The following BIRC2 variants were observed in gnomAD, a reference collection of about 807,000 sequenced individuals.
The protein encoded by BIRC2 is baculoviral IAP repeat-containing protein 2.
A neutral mutation model predicts 60.9 loss-of-function variants in BIRC2; 18 were observed. That is an observed-to-expected ratio of 0.30 (90% CI 0.20 to 0.44). The LOEUF (loss-of-function observed/expected upper bound fraction) is 0.44, where lower values mean the gene tolerates loss of function less well. BIRC2 is among the 20% of genes least tolerant of loss of function. The pLI, the probability that BIRC2 is intolerant of heterozygous loss-of-function variation, is 1.00. For missense variants in BIRC2, 701 were observed against 728.5 expected, an observed-to-expected ratio of 0.96 and a Z score of 0.43; for synonymous variants, 282 against 247.7, an observed-to-expected ratio of 1.14 and a Z score of -1.30.
intron 6 of BIRC2, among the ~76,000 whole-genome samples, chr11:102,371,966 T>C (rs1204846479): frequency 1.3e-5 from 2 of 152,200 alleles, no homozygotes; most frequent in Non-Finnish European, 1.5e-5. Flanking sequence ...GAGGTGTTTG[T>C]AGTATTCTCT....
intron 6 of BIRC2, among the ~76,000 whole-genome samples, chr11:102,372,427 C>G (rs1353460161): frequency 2.0e-5 from 3 of 152,056 alleles, no homozygotes; most frequent in African/African-American, 7.3e-5. Context: ...TCGTTATGTA[C>G]CCAGTAGTCA....
At chr11:102,363,632 C>G (rs771727354) in intron 4 of BIRC2, 36 bp from the exon 5 acceptor site, 2 of 1,548,168 alleles carry the variant, frequency 1.3e-6, no homozygotes, top group African/African-American at 1.4e-5. Flanking sequence ...TTGGGGATAT[C>G]TGCTTTTACC....
chr11:102,358,216 G>A (rs1340768329), intron 3 of BIRC2, among the ~76,000 whole-genome samples: 1 of 152,160 alleles, frequency 6.6e-6, no homozygotes, highest in Non-Finnish European at 1.5e-5. Context: ...TCTGCTGTTT[G>A]ATGGAATGTT....
intron 5 of BIRC2, among the ~76,000 whole-genome samples, chr11:102,363,996 AC>A (rs1229115491): frequency 2.2e-4 from 34 of 151,280 alleles, no homozygotes; most frequent in Non-Finnish European, 3.1e-4. Context: ...GTTGCAGTGA[AC>A]TGAGATTATG....
At position 102,354,388 on chromosome 11, in the gene BIRC2, T is replaced by C. The variant is rs1283525833; in HGVS notation, c.995+3445T>C. Among the ~76,000 whole-genome samples the C allele has an allele frequency of 2.0e-5, 3 of 152,276 alleles. No homozygotes were observed. In the East Asian group the frequency reaches 5.8e-4, roughly 29 times the overall value. On this transcript the variant is annotated intron_variant, in intron 3 of 8. Coordinates refer to ENST00000227758, the MANE Select transcript of BIRC2 (RefSeq NM_001166.5). ...TCATGTCCGGCTAATTACTCTGTTT[T>C]TGTAGAGACGGGGTTTCACCATGTT...
At chr11:102,377,775 T>C (rs767618934) in intron 7 of BIRC2, 25 bp downstream of exon 7, 1 of 1,592,710 alleles carries the variant, frequency 6.3e-7, no homozygotes, top group Non-Finnish European at 8.5e-7. Context: ...AAAATTATTT[T>C]AGAAATTCTT....
chr11:102,377,920 A>T lies in BIRC2; in HGVS notation c.1663+22A>T, dbSNP rs765664372. On this transcript the variant is annotated intron_variant, in intron 8 of 8. Transcript: ENST00000227758. Reference sequence around the variant, plus strand: ...TCAGGTAAAACAAAGATTTAAAACCAACATGAACTATTACCCTTTTTTTTT... The same window carrying T: ...TCAGGTAAAACAAAGATTTAAAACCTACATGAACTATTACCCTTTTTTTTT... 20 of 1,609,764 alleles carry T rather than the reference A, an allele frequency of 1.2e-5. No homozygotes were observed. In the South Asian group the frequency reaches 2.2e-4, roughly 18 times the overall value.
chr11:102,374,411 G>A (rs1268003722), intron 6 of BIRC2, among the ~76,000 whole-genome samples: 1 of 148,374 alleles, frequency 6.7e-6, no homozygotes, highest in East Asian at 2.0e-4. Flanking sequence ...CTGCAGGTCT[G>A]TTGGAATACC....
intron 6 of BIRC2, among the ~76,000 whole-genome samples, chr11:102,373,456 G>A (rs1223314138): frequency 6.6e-6 from 1 of 151,332 alleles, no homozygotes; most frequent in Non-Finnish European, 1.5e-5. Flanking sequence ...TGAAATTCTG[G>A]GTTGAAAATT....
Position 102,377,716 on chromosome 11 carries a change from A to G in BIRC2, c.1587A>G (p.Lys529=). ...AAANIFKNCL[K]EIDSTLYKNL... ...CCAACATCTTCAAAAACTGTCTAAAAGAAATTGACTCTACATTGTATAAGA... is the reference window on the plus strand; with the variant it reads ...CCAACATCTTCAAAAACTGTCTAAAGGAAATTGACTCTACATTGTATAAGA... The change falls in exon 7 of 9, where the codon AAA becomes AAG. Residue 529 remains lysine, a synonymous_variant. Transcript: ENST00000227758. The G allele has an allele frequency of 1.2e-6, 2 of 1,607,330 alleles. No individual in the cohort carries two copies. The highest frequency in any genetic ancestry group is 8.5e-7 in the Non-Finnish European group (1 of 1,178,572).
intron 3 of BIRC2, among the ~76,000 whole-genome samples, chr11:102,357,280 C>T (rs1053514313): frequency 1.3e-5 from 2 of 151,764 alleles, no homozygotes; most frequent in Non-Finnish European, 2.9e-5. Flanking sequence ...TTCCCTCCCT[C>T]TTCTTCCTTC....
chr11:102,376,186 G>C (rs651602), intron 6 of BIRC2, among the ~76,000 whole-genome samples: 152,251 of 152,302 alleles, frequency 1, 76,100 homozygotes, highest in Middle Eastern at 1. Context: ...AGGGGAAAGG[G>C]CAAGTAAGGA....
In BIRC2 at chr11:102,375,158, G is replaced by A. The variant is rs571395036; in HGVS notation, c.1367-2338G>A. On this transcript the variant is annotated intron_variant, in intron 6 of 8. Transcript: ENST00000227758. ...CGCTCACGCTGGGAGCTGTACACCG[G>A]AGCTGTTCCTATTCGGCCATCTTGG... Among the ~76,000 whole-genome samples the A allele has an allele frequency of 7.9e-5, 12 of 152,324 alleles. No individual in the cohort carries two copies. The South Asian group carries it at 8.3e-4, about 11-fold the overall frequency.
At chr11:102,357,977 TTTC>T (rs1384323960) in intron 3 of BIRC2, among the ~76,000 whole-genome samples, 5 of 152,352 alleles carry the variant, frequency 3.3e-5, no homozygotes, top group Admixed American at 1.3e-4. Flanking sequence ...TTCTTTTTGA[TTTC>T]TTCTTTGACC....
Position 102,377,651 on chromosome 11 carries a change from G to T in BIRC2, c.1522G>T (p.Glu508Ter), listed in dbSNP as rs770159483. The T allele has an allele frequency of 6.2e-7, 1 of 1,610,622 alleles. No homozygotes were observed. Among genetic ancestry groups the T allele is most frequent in the Non-Finnish European group, 8.5e-7 (1 of 1,179,186 alleles). Residue 508 changes from glutamate (E) to a stop codon, truncating the protein, a stop_gained, in exon 7 of 9, where the codon GAA becomes TAA. Coordinates refer to ENST00000227758, the MANE Select transcript of BIRC2 (RefSeq NM_001166.5). LOFTEE classifies it high-confidence loss of function. ...AACACAGATACCTTTACAAGCGAGA[G>T]AACTGATTGATACCATTTTGGTTAA... is the stretch of plus-strand genomic sequence containing the variant. ...QKTQIPLQARELIDTILVKGN... is the reference protein window; with the variant it reads ...QKTQIPLQAR
At chr11:102,375,323 C>T (rs541486751) in intron 6 of BIRC2, among the ~76,000 whole-genome samples, 2 of 152,280 alleles carry the variant, frequency 1.3e-5, no homozygotes, top group South Asian at 4.1e-4. Context: ...AAAGGGCCAG[C>T]AGAGAGGCGA....
intron 6 of BIRC2, among the ~76,000 whole-genome samples, chr11:102,369,034 C>T (rs1388834427): frequency 6.6e-6 from 1 of 151,960 alleles, no homozygotes; most frequent in African/African-American, 2.4e-5. Flanking sequence ...ATGAGAACCA[C>T]CTGCCCAATC....
At position 102,360,081 on chromosome 11, in the gene BIRC2, C is replaced by T. The variant is rs556753259; in HGVS notation, c.996-2815C>T. On this transcript the variant is annotated intron_variant, in intron 3 of 8. Transcript: ENST00000227758. ...TCCCAGGTTCAAGTGATTCTCCTGCCTCAGCCTCCCACGTAGCTGGGACTA... is the reference window on the plus strand; with the variant it reads ...TCCCAGGTTCAAGTGATTCTCCTGCTTCAGCCTCCCACGTAGCTGGGACTA... Among the ~76,000 whole-genome samples, 3 of 152,136 alleles carry T rather than the reference C, an allele frequency of 2.0e-5. No individual in the cohort carries two copies. The South Asian group carries it at 6.2e-4, about 32-fold the overall frequency.
Position 102,350,592 on chromosome 11 carries a change from C to G in BIRC2, c.738C>G (p.Asn246Lys), listed in dbSNP as rs1437150551. 3.7e-6 allele frequency: 6 copies of G among 1,614,202 alleles called. No homozygotes were observed. The South Asian group carries it at 6.6e-5, about 18-fold the overall frequency. The change falls in exon 2 of 9, where the codon AAC becomes AAG. Residue 246 changes from asparagine to lysine, a missense_variant. Coordinates refer to ENST00000227758, the MANE Select transcript of BIRC2 (RefSeq NM_001166.5). ...CAGAACACCGGAGGCATTTTCCCAA[C>G]TGTCCATTTTTGGAAAATTCTCTAG... ...AMSEHRRHFP[N>K]CPFLENSLET...
Sources: allele counts gnomAD v4.1 joint callset (sites outside exome capture counted in the v4.1 genomes callset), GRCh38; gene constraint gnomAD v4.1.1; transcripts MANE v1.5; gene names NCBI Gene and HGNC (gene_info 2026-07-23, HGNC 2026-07-21).